ISL2: variants seen among roughly 807,000 people sequenced by gnomAD.
The protein encoded by ISL2 is ISL LIM homeobox 2.
A neutral mutation model predicts 34.6 loss-of-function variants in ISL2; 17 were observed. The observed-to-expected ratio is 0.49, with a 90% CI of 0.34 to 0.74. The LOEUF (loss-of-function observed/expected upper bound fraction) is 0.74. Among genes scored for constraint, ISL2 ranks in the 30% least tolerant of loss-of-function variants. ISL2 has a pLI of 0.01. For missense variants in ISL2, 469 were observed against 515.2 expected (o/e 0.91, Z 0.87); for synonymous variants, 232 against 225.5 (o/e 1.03, Z -0.26).
At position 76,341,758 on chromosome 15, in the gene ISL2, G is replaced by A. The variant is rs995853822; in HGVS notation, c.1003G>A (p.Gly335Ser). The change falls in exon 6 of 6, where the codon GGC (glycine) becomes AGC (serine). Residue 335 changes from glycine to serine, a missense_variant. This residue lies in a region of ISL2 where 169 missense variants were observed against 154.2 expected (regional missense o/e 1.10). Transcript: ENST00000290759. ...SESGSLGNSS[G>S]SDVTSLSSQL... is the part of the protein sequence containing the mutation. Reference sequence around the variant, plus strand: ...GTCCGGCTCCCTAGGCAACTCCTCCGGCAGCGACGTGACCTCCCTGTCCTC... The same window carrying A: ...GTCCGGCTCCCTAGGCAACTCCTCCAGCAGCGACGTGACCTCCCTGTCCTC... The A allele has an allele frequency of 5.0e-6, 8 of 1,613,806 alleles. No individual in the cohort carries two copies. Among genetic ancestry groups the A allele is most frequent in the Non-Finnish European group, 5.9e-6 (7 of 1,179,992 alleles).
intron 2 of ISL2, 111 bp from the exon 3 acceptor site, chr15:76,338,141 A>C (rs1413589353): frequency 7.1e-7 from 1 of 1,399,294 alleles, no homozygotes; most frequent in East Asian, 3.0e-5. Flanking sequence ...GGGTCACCGC[A>C]GTCTCCTGGT....
chr15:76,341,222 A>C lies in ISL2; in HGVS notation c.884A>C (p.Gln295Pro), dbSNP rs745552487. 1.2e-6 allele frequency: 2 copies of C among 1,612,040 alleles called. No homozygotes were observed. Among genetic ancestry groups the C allele is most frequent in the South Asian group, 1.1e-5 (1 of 90,770 alleles). The change falls in exon 5 of 6, where the codon CAG (glutamine) becomes CCG (proline). Residue 295 changes from glutamine (Q) to proline (P), a missense_variant. By Grantham distance (76) the Gln-to-Pro change is moderately conservative (BLOSUM62 -1). Around this residue, in one of 3 missense-constraint regions of ISL2, gnomAD observed 169 missense variants for 154.2 expected, o/e 1.10. Coordinates refer to ENST00000290759, the MANE Select transcript of ISL2 (RefSeq NM_145805.3). ...NAVQGSAVEVQTYQPPWKALS... is the reference protein window; with the variant it reads ...NAVQGSAVEVPTYQPPWKALS... ...GTGCAGGGCAGCGCAGTGGAGGTGC[A>C]GACGTACCAGCCGCCGTGGAAGGCG...
At chr15:76,338,998 A>G (rs1200969207) in intron 3 of ISL2, 2 of 985,388 alleles carry the variant, frequency 2.0e-6, no homozygotes, top group African/African-American at 3.5e-5. Context: ...GGTTTTTGCC[A>G]TCTTGTTTTG....
At chr15:76,338,096 G>A (rs1413023458) in intron 2 of ISL2, 129 bp downstream of exon 2, 3 of 1,324,292 alleles carry the variant, frequency 2.3e-6, no homozygotes, top group African/African-American at 1.6e-5. Flanking sequence ...CACGGGTGCC[G>A]CAGCGCTCCC....
intron 4 of ISL2, 86 bp downstream of exon 4, chr15:76,340,645 C>G (rs2040186806): frequency 5.9e-6 from 8 of 1,357,466 alleles, no homozygotes; most frequent in Non-Finnish European, 6.1e-6. Context: ...TGGGCGAGCC[C>G]TGGGAGATCC....
In ISL2 at chr15:76,342,425, A is replaced by T. The variant is rs995512642; in HGVS notation, c.*590A>T. The T allele has an allele frequency of 1.3e-5, 2 of 152,362 alleles. No individual in the cohort carries two copies. Among genetic ancestry groups the T allele is most frequent in the Non-Finnish European group, 2.9e-5 (2 of 68,114 alleles). The allele number at this position is 152,362 out of a possible 1,614,324, so 9.4% of individuals were successfully genotyped here. ...ATTGTTATTTATTGTGAGAACAGCC[A>T]GTTCATAGTGGGACTTGTATTTTGA... On this transcript the variant is annotated 3_prime_UTR_variant, in exon 6 of 6. Transcript: ENST00000290759.
intron 1 of ISL2, 40 bp from the exon 2 acceptor site, chr15:76,337,738 G>T: frequency 1.3e-6 from 2 of 1,505,584 alleles, no homozygotes; most frequent in Non-Finnish European, 1.8e-6. Context: ...CTGGGTCCGG[G>T]CAGTCAGGCC....
In ISL2 at chr15:76,337,940, A is replaced by G; in HGVS notation, c.221A>G (p.Lys74Arg). 2 of 1,608,088 alleles carry G rather than the reference A, an allele frequency of 1.2e-6. No individual in the cohort carries two copies. The highest frequency in any genetic ancestry group is 1.7e-6 in the Non-Finnish European group (2 of 1,177,172). The change falls in exon 2 of 6, where the codon AAG becomes AGG. Residue 74 changes from lysine (K) to arginine (R), a missense_variant. This residue lies in a region of ISL2 where 297 missense variants were observed against 337.8 expected (regional missense o/e 0.88). Transcript: ENST00000290759. ...ETCTCFVRDGKTYCKRDYVRL... is the reference protein window; with the variant it reads ...ETCTCFVRDGRTYCKRDYVRL... ...TGCACGTGCTTCGTGAGAGACGGGA[A>G]GACCTACTGCAAGCGGGACTATGTC...
chr15:76,340,393 ACGC>A lies in ISL2; in HGVS notation c.634_636del (p.Ala212del). 1 of 1,613,624 alleles carries A rather than the reference ACGC, an allele frequency of 6.2e-7. No individual in the cohort carries two copies. Among genetic ancestry groups the A allele is most frequent in the Non-Finnish European group, 8.5e-7 (1 of 1,179,966 alleles). On this transcript the variant is annotated inframe_deletion, in exon 4 of 6. Coordinates refer to ENST00000290759, the MANE Select transcript of ISL2 (RefSeq NM_145805.3). The stretch of plus-strand genomic sequence containing the variant: ...CAGCTGCACACTCTGCGGACCTGCT[ACGC>A]CGCCAACCCGCGGCCCGACGCTCTC...
chr15:76,337,162 A>G (rs1435733251), intron 1 of ISL2, among the ~76,000 whole-genome samples: 7 of 150,644 alleles, frequency 4.6e-5, no homozygotes, highest in Non-Finnish European at 7.4e-5. Flanking sequence ...GCCGGCTAGG[A>G]TGACTTCGGG....
intron 1 of ISL2, 104 bp from the exon 2 acceptor site, chr15:76,337,674 G>GA: frequency 9.7e-7 from 1 of 1,027,612 alleles, no homozygotes; most frequent in Non-Finnish European, 1.4e-6. Flanking sequence ...AGTCTTGAAA[G>GA]AAAGAGCAAG....
intron 5 of ISL2, among the ~76,000 whole-genome samples, 194 bp from the exon 6 acceptor site, chr15:76,341,525 A>G (rs2040194182): frequency 6.6e-6 from 1 of 152,202 alleles, no homozygotes; most frequent in African/African-American, 2.4e-5. Context: ...GAGAGGTCGC[A>G]GGATTAACCA....
rs753554538 is a variant in ISL2, at chr15:76,341,723, C to A, written c.968C>A (p.Ser323Tyr). ...LDQPAFQQLV[S>Y]FSESGSLGNS... The stretch of plus-strand genomic sequence containing the variant: ...CCGGTGTTTCCGCCGCCCCAGGTCT[C>A]CTTCTCCGAGTCCGGCTCCCTAGGC... Residue 323 changes from serine (S) to tyrosine (Y), a missense_variant, in exon 6 of 6, where the codon TCC becomes TAC. Ser to Tyr is a moderately radical substitution (Grantham distance 144). Transcript: ENST00000290759. 1 of 1,612,752 alleles carries A rather than the reference C, an allele frequency of 6.2e-7. No individual in the cohort carries two copies. The highest frequency in any genetic ancestry group is 2.2e-5 in the East Asian group (1 of 44,852).
chr15:76,340,064 A>T, intron 3 of ISL2: 1 of 1,390,012 alleles, frequency 7.2e-7, no homozygotes, highest in South Asian at 1.7e-5. Context: ...GCTGCGGGGC[A>T]GTCCGGCCCG....
Position 76,337,908 on chromosome 15 carries a change from C to T in ISL2, c.189C>T (p.Asp63=). 3.1e-6 allele frequency: 5 copies of T among 1,612,462 alleles called. No individual in the cohort carries two copies. Among genetic ancestry groups the T allele is most frequent in the South Asian group, 1.1e-5 (1 of 90,976 alleles). The change falls in exon 2 of 6, where the codon GAC becomes GAT. Residue 63 remains aspartate (D), a synonymous_variant. Transcript: ENST00000290759. ...LKCAECSQYL[D]ETCTCFVRDG... ...GTGCCGAGTGCAGCCAGTACCTGGA[C>T]GAGACGTGCACGTGCTTCGTGAGAG...
intron 3 of ISL2, chr15:76,339,623 G>A (rs2040178533): frequency 1.0e-6 from 1 of 985,568 alleles, no homozygotes; most frequent in Non-Finnish European, 1.2e-6. Flanking sequence ...TCGGTGGGAG[G>A]CCACTGGGCT....
intron 4 of ISL2, 27 bp from the exon 5 acceptor site, chr15:76,341,106 CA>C (rs768044987): frequency 6.5e-7 from 1 of 1,527,038 alleles, no homozygotes; most frequent in Non-Finnish European, 8.8e-7. Context: ...CTAACTCGAG[CA>C]CCTACTGCCT....
rs2040195899 is a variant in ISL2, at chr15:76,341,699, C to T, written c.964-20C>T. 2.6e-6 allele frequency: 4 copies of T among 1,563,384 alleles called. No individual in the cohort carries two copies. The highest frequency in any genetic ancestry group is 1.1e-5 in the South Asian group (1 of 90,092). ...GCGTGCCTCTTCACCTGCCTCTTCC[C>T]GGTGTTTCCGCCGCCCCAGGTCTCC... is the stretch of plus-strand genomic sequence containing the variant. On this transcript the variant is annotated intron_variant, in intron 5 of 5. Transcript: ENST00000290759.
In ISL2 at chr15:76,341,954, T is replaced by C; in HGVS notation, c.*119T>C. 1.4e-6 allele frequency: 1 copy of C among 720,726 alleles called. No individual in the cohort carries two copies. The highest frequency in any genetic ancestry group is 1.6e-5 in the South Asian group (1 of 61,976). The allele number at this position is 720,726 out of a possible 1,614,324, so 44.6% of individuals were successfully genotyped here. A position where few individuals can be genotyped will look rare whatever the true frequency, so the allele number is the denominator to read the frequency against. On this transcript the variant is annotated 3_prime_UTR_variant, in exon 6 of 6. Transcript: ENST00000290759. Reference sequence around the variant, plus strand: ...CCTTCGTAATTATTCTATTGTTATTTATGAGAGAGTACCGAGAGACACGGT... The same window carrying C: ...CCTTCGTAATTATTCTATTGTTATTCATGAGAGAGTACCGAGAGACACGGT...
Sources: gnomAD v4.1 joint callset for allele counts (sites outside exome capture counted in the v4.1 genomes callset) on GRCh38, gnomAD v4.1.1 for gene constraint, gnomAD v4.1.1 regional missense constraint, MANE v1.5 for transcripts, NCBI Gene and HGNC (gene_info 2026-07-23, HGNC 2026-07-21) for gene names.